Variants in KDM4C observed in about 807,000 individuals in gnomAD.
KDM4C encodes the protein lysine demethylase 4C, also known as lysine-specific demethylase 4C.
KDM4C carries 81 observed loss-of-function variants against 129.3 expected under a neutral mutation model. That is an observed-to-expected ratio of 0.63 (90% CI 0.52 to 0.75). The LOEUF (loss-of-function observed/expected upper bound fraction) is 0.75. KDM4C is among the 30% of genes least tolerant of loss of function. The pLI, the probability that KDM4C is intolerant of heterozygous loss-of-function variation, is 0.00. For synonymous variants in KDM4C, 573 were observed against 456.1 expected (o/e 1.26, Z -3.26); for missense variants, 1,457 against 1,304.0 (o/e 1.12, Z -1.81).
chr9:7,106,362 T>C (rs1034828050), intron 18 of KDM4C, among the ~76,000 whole-genome samples: 5 of 152,230 alleles, frequency 3.3e-5, no homozygotes, highest in African/African-American at 1.2e-4. Context: ...CAACCATGCA[T>C]TGATTATTTG....
chr9:7,109,177 G>C (rs376781329), intron 18 of KDM4C, among the ~76,000 whole-genome samples: 2 of 152,180 alleles, frequency 1.3e-5, no homozygotes, highest in African/African-American at 4.8e-5. Flanking sequence ...GCTGTTGCCA[G>C]ATCTGAAACT....
At chr9:7,083,018 T>G (rs908671828) in intron 17 of KDM4C, among the ~76,000 whole-genome samples, 1 of 152,224 alleles carries the variant, frequency 6.6e-6, no homozygotes, top group African/African-American at 2.4e-5. Context: ...ATGAAGTGCT[T>G]GCATTTTTTA....
intron 15 of KDM4C, among the ~76,000 whole-genome samples, chr9:7,030,862 T>A (rs1338827445): frequency 6.6e-6 from 1 of 152,144 alleles, no homozygotes; most frequent in Non-Finnish European, 1.5e-5. Context: ...GATTTTGTAA[T>A]GAAAAATGTA....
At position 6,740,377 on chromosome 9, in the gene KDM4C, G is replaced by C. The variant is rs1030991473; in HGVS notation, c.49+19380G>C. On this transcript the variant is annotated intron_variant, in intron 1 of 17. Coordinates refer to the KDM4C transcript ENST00000536108. The stretch of plus-strand genomic sequence containing the variant: ...CGTCACCCCACCTGGCTAATTTTTT[G>C]TATTTTTAGTAGAGATGGGGTTTCA... Among the ~76,000 whole-genome samples the C allele has an allele frequency of 4.0e-5, 6 of 151,666 alleles. No individual in the cohort carries two copies. In the South Asian group the frequency reaches 8.3e-4, roughly 21 times the overall value.
At chr9:6,858,991 A>T (rs535135791) in intron 5 of KDM4C, among the ~76,000 whole-genome samples, 3 of 152,212 alleles carry the variant, frequency 2.0e-5, no homozygotes, top group South Asian at 2.1e-4. Flanking sequence ...TCATGATTGC[A>T]TTTCTAAAGC....
At chr9:7,045,138 T>C (rs1459229949) in intron 15 of KDM4C, among the ~76,000 whole-genome samples, 1 of 152,008 alleles carries the variant, frequency 6.6e-6, no homozygotes, top group Admixed American at 6.6e-5. Flanking sequence ...CTTTTTCCTC[T>C]TGTTAGATTA....
chr9:6,877,778 A>G lies in KDM4C; in HGVS notation c.630-2234A>G, dbSNP rs535544793. On this transcript the variant is annotated intron_variant, in intron 5 of 21. Coordinates refer to ENST00000381309, the MANE Select transcript of KDM4C (RefSeq NM_015061.6). ...TAAAACATTAAAATTAGTCTTTCCT[A>G]GTTCCTTTGTTATGTGGAAACATTA... Among the ~76,000 whole-genome samples, 30 of 152,302 alleles carry G rather than the reference A, an allele frequency of 2.0e-4. No individual in the cohort carries two copies. The South Asian group carries it at 5.8e-3, about 29-fold the overall frequency.
chr9:6,895,420 G>A (rs1816245578), intron 8 of KDM4C, among the ~76,000 whole-genome samples: 1 of 152,212 alleles, frequency 6.6e-6, no homozygotes. Flanking sequence ...TCTCCTAGAA[G>A]CCTCTCTCTA....
At chr9:7,014,885 C>T (rs1215019897) in intron 14 of KDM4C, among the ~76,000 whole-genome samples, 2 of 149,866 alleles carry the variant, frequency 1.3e-5, no homozygotes, top group Non-Finnish European at 3.0e-5. Flanking sequence ...TAATCGTAGC[C>T]ATCTTCTTTT....
intron 2 of KDM4C, among the ~76,000 whole-genome samples, chr9:6,795,782 C>G (rs2130906859): frequency 6.6e-6 from 1 of 152,086 alleles, no homozygotes; most frequent in East Asian, 1.9e-4. Flanking sequence ...AGCGATCCCC[C>G]TCCCTCAGCC....
chr9:6,770,346 T>C (rs920437747), intron 1 of KDM4C, among the ~76,000 whole-genome samples: 1 of 152,186 alleles, frequency 6.6e-6, no homozygotes, highest in Admixed American at 6.5e-5. Flanking sequence ...TTTGAGACTT[T>C]GGGGAAATTA....
At chr9:6,872,068 G>T (rs1264230877) in intron 5 of KDM4C, among the ~76,000 whole-genome samples, 1 of 152,130 alleles carries the variant, frequency 6.6e-6, no homozygotes, top group South Asian at 2.1e-4. Context: ...GAGGGGAGGA[G>T]TGAGGTTGAC....
intron 2 of KDM4C, among the ~76,000 whole-genome samples, chr9:6,800,764 C>CT (rs1348349977): frequency 7.9e-5 from 12 of 152,058 alleles, no homozygotes; most frequent in African/African-American, 2.9e-4. Flanking sequence ...GTAGCTAGGA[C>CT]TATAGGCGTG....
intron 15 of KDM4C, among the ~76,000 whole-genome samples, chr9:7,023,889 C>T (rs1051767717): frequency 2.6e-5 from 4 of 152,158 alleles, no homozygotes; most frequent in African/African-American, 4.8e-5. Flanking sequence ...TACATGGACC[C>T]ACTGGTCATT....
intron 8 of KDM4C, among the ~76,000 whole-genome samples, chr9:6,934,251 G>A (rs1432995185): frequency 6.6e-6 from 1 of 151,794 alleles, no homozygotes; most frequent in Admixed American, 6.6e-5. Context: ...GGAGGCGGAG[G>A]CAGGCTGATC....
chr9:6,952,695 C>T lies in KDM4C; in HGVS notation c.922-28230C>T, dbSNP rs1365066828. Among the ~76,000 whole-genome samples the T allele has an allele frequency of 5.9e-5, 9 of 152,078 alleles. No individual in the cohort carries two copies. In the East Asian group the frequency reaches 1.7e-3, roughly 29 times the overall value. On this transcript the variant is annotated intron_variant, in intron 8 of 21. Coordinates refer to ENST00000381309, the MANE Select transcript of KDM4C (RefSeq NM_015061.6). ...ACCTCAGTTGATTCACCTGCCTTGG[C>T]CTCCCAAACTGATGGGATTACAGGT... is the stretch of plus-strand genomic sequence containing the variant.
intron 12 of KDM4C, among the ~76,000 whole-genome samples, chr9:7,009,705 A>C (rs954763530): frequency 6.6e-6 from 1 of 152,212 alleles, no homozygotes; most frequent in East Asian, 1.9e-4. Flanking sequence ...AGTTTTGACT[A>C]TGTAGATGCC....
intron 15 of KDM4C, among the ~76,000 whole-genome samples, chr9:7,021,398 G>T (rs1482406613): frequency 2.0e-5 from 3 of 152,096 alleles, no homozygotes; most frequent in Non-Finnish European, 1.5e-5. Flanking sequence ...GCCTTCGTCG[G>T]CCTCCCAAAG....
At chr9:6,987,767 A>G (rs189649106) in intron 11 of KDM4C, among the ~76,000 whole-genome samples, 2 of 152,196 alleles carry the variant, frequency 1.3e-5, no homozygotes, top group African/African-American at 4.8e-5. Context: ...TTATAAACAC[A>G]TCAAAAATAT....
Sources: allele counts gnomAD v4.1 joint callset (sites outside exome capture counted in the v4.1 genomes callset), GRCh38; gene constraint gnomAD v4.1.1; transcripts MANE v1.5; gene names NCBI Gene and HGNC (gene_info 2026-07-23, HGNC 2026-07-21).